The following SLC22A3 variants were observed in gnomAD, a reference collection of about 807,000 sequenced individuals.
The protein encoded by SLC22A3 is EMT organic cation transporter 3.
SLC22A3 carries 51 observed loss-of-function variants against 59.1 expected under a neutral mutation model. The ratio of observed to expected loss-of-function variants is 0.86; its 90% CI spans 0.69 to 1.09. The LOEUF (loss-of-function observed/expected upper bound fraction) is 1.09, where lower values mean the gene tolerates loss of function less well. Among genes scored for constraint, SLC22A3 ranks in the 50% least tolerant of loss-of-function variants. The pLI is 0.00. For missense variants in SLC22A3, 711 were observed against 726.3 expected (o/e 0.98, Z 0.24); for synonymous variants, 325 against 292.0 (o/e 1.11, Z -1.15).
At chr6:160,379,515 A>G (rs541252421) in intron 1 of SLC22A3, among the ~76,000 whole-genome samples, 1 of 152,306 alleles carries the variant, frequency 6.6e-6, no homozygotes, top group South Asian at 2.1e-4. Flanking sequence ...CCTTTTTCCA[A>G]ATCAAAGAAC....
chr6:160,379,202 G>A (rs1785707287), intron 1 of SLC22A3, among the ~76,000 whole-genome samples: 1 of 152,166 alleles, frequency 6.6e-6, no homozygotes, highest in Non-Finnish European at 1.5e-5. Context: ...AAGGGATAGT[G>A]AAACTCATTC....
chr6:160,382,175 T>G (rs1245177624), intron 1 of SLC22A3, among the ~76,000 whole-genome samples: 1 of 152,138 alleles, frequency 6.6e-6, no homozygotes, highest in Non-Finnish European at 1.5e-5. Flanking sequence ...ATTAACTGAG[T>G]ACATTTCCTG....
intron 10 of SLC22A3, among the ~76,000 whole-genome samples, chr6:160,450,436 CTG>C (rs1159081523): frequency 6.6e-6 from 1 of 152,154 alleles, no homozygotes; most frequent in East Asian, 1.9e-4. Context: ...CGCTGTTACT[CTG>C]TTCTATTTCA....
In SLC22A3 at chr6:160,447,737, G is replaced by C. The variant is rs750581526; in HGVS notation, c.1529G>C (p.Cys510Ser). The C allele has an allele frequency of 1.2e-6, 2 of 1,613,972 alleles. No homozygotes were observed. The highest frequency in any genetic ancestry group is 1.7e-6 in the Non-Finnish European group (2 of 1,179,974). ...TCCATAGGTATCCTGGCATCCATCT[G>C]TGGTGGCCTTGTGATGCTTTTGCCT... ...LIIFGILASI[C>S]GGLVMLLPET... is the part of the protein sequence containing the mutation. Residue 510 changes from cysteine (C) to serine (S), a missense_variant, in exon 10 of 11, where the codon TGT (cysteine) becomes TCT (serine). Transcript: ENST00000275300.
intron 1 of SLC22A3, among the ~76,000 whole-genome samples, chr6:160,354,390 G>T (rs1784760324): frequency 6.6e-6 from 1 of 152,232 alleles, no homozygotes; most frequent in African/African-American, 2.4e-5. Context: ...GCTCAGAACA[G>T]TTGGTTCCTG....
chr6:160,423,623 G>A (rs952911274), intron 5 of SLC22A3, among the ~76,000 whole-genome samples: 1 of 152,166 alleles, frequency 6.6e-6, no homozygotes, highest in Non-Finnish European at 1.5e-5. Context: ...CTGCATAAAT[G>A]TCTTCTTTTG....
rs139550724 is a variant in SLC22A3 at position 160,414,696 on chromosome 6, C to T, written c.975+3850C>T. 1.6e-3 allele frequency among the ~76,000 whole-genome samples: 248 copies of T among 152,222 alleles called. 2 individuals are homozygous for T. The Middle Eastern group carries it at 0.02, about 13-fold the overall frequency. On this transcript the variant is annotated intron_variant, in intron 5 of 10. Coordinates refer to ENST00000275300, the MANE Select transcript of SLC22A3 (RefSeq NM_021977.4). ...AGAAGTGCCGAGCAAAGGGGAAAGCCCCTTATAAAACCATCAGATCTCATG... is the reference window on the plus strand; with the variant it reads ...AGAAGTGCCGAGCAAAGGGGAAAGCTCCTTATAAAACCATCAGATCTCATG...
At chr6:160,398,632 T>C (rs2872317) in intron 2 of SLC22A3, among the ~76,000 whole-genome samples, 70,643 of 152,074 alleles carry the variant, frequency 0.46, 16,716 homozygotes, top group East Asian at 0.56. Flanking sequence ...GTGGCAGGCA[T>C]GGTGAGTGTG....
chr6:160,385,564 C>T (rs1785969609), intron 1 of SLC22A3, among the ~76,000 whole-genome samples: 1 of 152,166 alleles, frequency 6.6e-6, no homozygotes, highest in African/African-American at 2.4e-5. Context: ...TCCAGTCCCT[C>T]AACACACACC....
At chr6:160,376,178 T>C (rs1303640481) in intron 1 of SLC22A3, among the ~76,000 whole-genome samples, 1 of 152,134 alleles carries the variant, frequency 6.6e-6, no homozygotes, top group Non-Finnish European at 1.5e-5. Context: ...AGGAACGAGA[T>C]CATGTCCTTT....
At chr6:160,384,851 C>T (rs1028329840) in intron 1 of SLC22A3, among the ~76,000 whole-genome samples, 1 of 152,194 alleles carries the variant, frequency 6.6e-6, no homozygotes, top group African/African-American at 2.4e-5. Flanking sequence ...CTCCACTCAC[C>T]TCTTTCCCAT....
At chr6:160,399,638 A>T (rs1004033220) in intron 2 of SLC22A3, among the ~76,000 whole-genome samples, 3 of 152,166 alleles carry the variant, frequency 2.0e-5, no homozygotes, top group African/African-American at 2.4e-5. Context: ...TGATTTATAT[A>T]TGTGAAGGAA....
At chr6:160,365,538 G>T (rs1353793893) in intron 1 of SLC22A3, among the ~76,000 whole-genome samples, 2 of 152,186 alleles carry the variant, frequency 1.3e-5, no homozygotes, top group Non-Finnish European at 2.9e-5. Flanking sequence ...GTTGTCACAG[G>T]TCTTGGGACC....
At chr6:160,400,089 T>C (rs1583478236) in intron 2 of SLC22A3, among the ~76,000 whole-genome samples, 2 of 143,248 alleles carry the variant, frequency 1.4e-5, no homozygotes, top group Non-Finnish European at 3.0e-5. Flanking sequence ...TTGTGATTTT[T>C]TTTTTTTTTT....
intron 5 of SLC22A3, among the ~76,000 whole-genome samples, chr6:160,435,308 T>G (rs772499508): frequency 2.6e-5 from 4 of 152,234 alleles, no homozygotes; most frequent in Non-Finnish European, 5.9e-5. Flanking sequence ...ATAGTCATTT[T>G]ATGTACCACT....
intron 1 of SLC22A3, among the ~76,000 whole-genome samples, chr6:160,363,289 G>A (rs1785086088): frequency 6.6e-6 from 1 of 152,208 alleles, no homozygotes; most frequent in South Asian, 2.1e-4. Context: ...GCCTAGTCTC[G>A]CTTCTGTCGT....
intron 1 of SLC22A3, among the ~76,000 whole-genome samples, chr6:160,371,917 CT>C (rs1480512494): frequency 6.6e-6 from 1 of 152,174 alleles, no homozygotes; most frequent in African/African-American, 2.4e-5. Context: ...TTGCATTTCT[CT>C]AATGACCAGT....
rs760359459 is a variant in SLC22A3 at position 160,415,231 on chromosome 6, A to G, written c.975+4385A>G. ...TCAGCCACATTATGGGCCACGTCATAGTTTTCCATCTCAAAGGTCCTTATG... is the reference window on the plus strand; with the variant it reads ...TCAGCCACATTATGGGCCACGTCATGGTTTTCCATCTCAAAGGTCCTTATG... On this transcript the variant is annotated intron_variant, in intron 5 of 10. Coordinates refer to ENST00000275300, the MANE Select transcript of SLC22A3 (RefSeq NM_021977.4). The surrounding 1 kb of genome is among the most constrained non-coding windows in gnomAD (Gnocchi z 4.1). 1.3e-5 allele frequency among the ~76,000 whole-genome samples: 2 copies of G among 152,192 alleles called. No homozygotes were observed. Among genetic ancestry groups the G allele is most frequent in the Non-Finnish European group, 2.9e-5 (2 of 68,018 alleles).
At chr6:160,400,984 GA>G (rs58532600) in intron 2 of SLC22A3, among the ~76,000 whole-genome samples, 6,185 of 78,502 alleles carry the variant, frequency 0.079, 136 homozygotes, top group African/African-American at 0.17. Flanking sequence ...CTCCAAAACT[GA>G]AAAAAAAAAA....
Sources: allele counts gnomAD v4.1 joint callset (sites outside exome capture counted in the v4.1 genomes callset), GRCh38; gene constraint gnomAD v4.1.1; non-coding constraint Gnocchi (gnomAD v3.1); transcripts MANE v1.5; gene names NCBI Gene and HGNC (gene_info 2026-07-23, HGNC 2026-07-21).